Variants in SRBD1 observed in about 807,000 individuals in gnomAD.
The protein encoded by SRBD1 is S1 RNA binding domain 1, also known as S1 RNA-binding domain-containing protein 1.
Under a neutral mutation model 115.3 loss-of-function variants are expected in SRBD1, and 88 were observed. That is an observed-to-expected ratio of 0.76 (90% CI 0.64 to 0.91). SRBD1 has a LOEUF of 0.91. SRBD1 is among the 40% of genes least tolerant of loss of function. The pLI is 0.00. For synonymous variants in SRBD1, 509 were observed against 407.7 expected, an observed-to-expected ratio of 1.25 and a Z score of -2.99; for missense variants, 1,385 against 1,177.4, an observed-to-expected ratio of 1.18 and a Z score of -2.58.
At chr2:45,554,207 C>T (rs552745399) in intron 10 of SRBD1, among the ~76,000 whole-genome samples, 1 of 152,232 alleles carries the variant, frequency 6.6e-6, no homozygotes, top group African/African-American at 2.4e-5. Context: ...CTTGCTCTTT[C>T]TCTCTCTTTC....
At chr2:45,524,648 T>C (rs1019929216) in intron 14 of SRBD1, among the ~76,000 whole-genome samples, 11 of 151,958 alleles carry the variant, frequency 7.2e-5, no homozygotes, top group Admixed American at 7.2e-4. Context: ...TTAAGGAAGA[T>C]CTAAATAAGT....
chr2:45,479,697 CTGTAGCAAGT>C (rs1669904880), intron 15 of SRBD1, among the ~76,000 whole-genome samples: 1 of 152,188 alleles, frequency 6.6e-6, no homozygotes, highest in African/African-American at 2.4e-5. Flanking sequence ...GATGTAGAAG[CTGTAGCAAGT>C]TGTCCAGAAG....
rs116077544 is a variant in SRBD1, at chr2:45,391,041, G to A, written c.2699-1442C>T. ...TAGGACGGGTCTCCGAGACCCCATAGGCATTGTTTTTATGCTTGGAAATTC... is the reference window on the plus strand; with the variant it reads ...TAGGACGGGTCTCCGAGACCCCATAAGCATTGTTTTTATGCTTGGAAATTC... On this transcript the variant is annotated intron_variant, in intron 20 of 20. Transcript: ENST00000263736. Among the ~76,000 whole-genome samples, 1,138 of 152,270 alleles carry A rather than the reference G, an allele frequency of 7.5e-3. 10 individuals are homozygous for A. The highest frequency in any genetic ancestry group is 0.025 in the African/African-American group (1,048 of 41,558).
chr2:45,546,621 T>C, intron 14 of SRBD1, 111 bp downstream of exon 14: 2 of 1,061,272 alleles, frequency 1.9e-6, no homozygotes, highest in Non-Finnish European at 2.8e-6. Flanking sequence ...AGAGGTGGTC[T>C]GGAGGGCAAA....
intron 14 of SRBD1, among the ~76,000 whole-genome samples, chr2:45,513,226 C>G (rs1314182137): frequency 6.6e-6 from 1 of 152,122 alleles, no homozygotes; most frequent in Non-Finnish European, 1.5e-5. Flanking sequence ...GATCTTTCCC[C>G]ACATTCTTCA....
chr2:45,426,767 G>A (rs1421689206), intron 16 of SRBD1, among the ~76,000 whole-genome samples: 1 of 152,172 alleles, frequency 6.6e-6, no homozygotes, highest in African/African-American at 2.4e-5. Context: ...GGGCCTATTA[G>A]AAGGAAAACT....
chr2:45,488,779 T>A (rs996837522), intron 14 of SRBD1, among the ~76,000 whole-genome samples: 1 of 152,058 alleles, frequency 6.6e-6, no homozygotes, highest in Non-Finnish European at 1.5e-5. Flanking sequence ...TGTGGATATG[T>A]GCACATGCAG....
At chr2:45,483,868 T>C (rs1356741740) in intron 15 of SRBD1, among the ~76,000 whole-genome samples, 2 of 152,062 alleles carry the variant, frequency 1.3e-5, no homozygotes, top group Non-Finnish European at 2.9e-5. Flanking sequence ...AATAATTACA[T>C]TTTTGAACAA....
At chr2:45,473,565 T>C (rs912043997) in intron 16 of SRBD1, among the ~76,000 whole-genome samples, 2 of 152,194 alleles carry the variant, frequency 1.3e-5, no homozygotes, top group African/African-American at 4.8e-5. Flanking sequence ...TCACACTAAA[T>C]TGATGGTTTG....
intron 16 of SRBD1, among the ~76,000 whole-genome samples, chr2:45,471,726 C>G (rs760582252): frequency 6.6e-6 from 1 of 152,106 alleles, no homozygotes; most frequent in African/African-American, 2.4e-5. Flanking sequence ...ATAACACCCT[C>G]TAAAATTTGG....
chr2:45,525,926 A>C (rs1251294979), intron 14 of SRBD1, among the ~76,000 whole-genome samples: 1 of 152,062 alleles, frequency 6.6e-6, no homozygotes, highest in African/African-American at 2.4e-5. Flanking sequence ...ATGATATACT[A>C]CTTCATACCC....
chr2:45,592,804 G>A (rs557077342), intron 4 of SRBD1, among the ~76,000 whole-genome samples: 1 of 152,300 alleles, frequency 6.6e-6, no homozygotes, highest in Admixed American at 6.5e-5. Flanking sequence ...CCCCAAACCA[G>A]CAGCATAAGC....
In SRBD1 at chr2:45,388,691, A is replaced by T. The variant is rs1291000927; in HGVS notation, c.*619T>A. On this transcript the variant is annotated 3_prime_UTR_variant, in exon 21 of 21. Transcript: ENST00000263736. Reference sequence around the variant, plus strand: ...TAGCAAAAAACAAGTCACTAGCCACAAACATTTATTGTTGGGGTCAATACG... The same window carrying T: ...TAGCAAAAAACAAGTCACTAGCCACTAACATTTATTGTTGGGGTCAATACG... 6.6e-6 allele frequency: 1 copy of T among 152,258 alleles called. No individual in the cohort carries two copies. The highest frequency in any genetic ancestry group is 1.5e-5 in the Non-Finnish European group (1 of 68,058). The allele number at this position is 152,258 out of a possible 1,614,324, so 9.4% of individuals were successfully genotyped here.
intron 14 of SRBD1, among the ~76,000 whole-genome samples, chr2:45,540,597 G>A (rs1180801462): frequency 1.3e-5 from 2 of 152,064 alleles, no homozygotes; most frequent in African/African-American, 2.4e-5. Context: ...GTCACAGACT[G>A]GGAAAAAATG....
intron 16 of SRBD1, among the ~76,000 whole-genome samples, chr2:45,459,498 C>T: frequency 6.6e-6 from 1 of 152,018 alleles, no homozygotes; most frequent in Non-Finnish European, 1.5e-5. Flanking sequence ...CTTGAGGGTC[C>T]CTTGTAACCT....
intron 16 of SRBD1, among the ~76,000 whole-genome samples, chr2:45,461,498 T>C (rs1439302976): frequency 6.6e-6 from 1 of 152,188 alleles, no homozygotes; most frequent in Non-Finnish European, 1.5e-5. Flanking sequence ...TGGCTGTTTA[T>C]GAGTATACAA....
Position 45,574,686 on chromosome 2 carries a change from C to T in SRBD1, c.1110G>A (p.Gln370=). 1.2e-6 allele frequency: 2 copies of T among 1,613,684 alleles called. No individual in the cohort carries two copies. The highest frequency in any genetic ancestry group is 8.5e-7 in the Non-Finnish European group (1 of 1,179,828). Residue 370 remains glutamine (Q), a synonymous_variant, in exon 8 of 21, where the codon CAG becomes CAA. Transcript: ENST00000263736. ...TAGCAATCATATCTGCTAAAATATGCTGCACTCCTATTTCAATATCCTGAA... is the reference window on the plus strand; with the variant it reads ...TAGCAATCATATCTGCTAAAATATGTTGCACTCCTATTTCAATATCCTGAA... ...STLQDIEIGV[Q]HILADMIAKD...
At position 45,406,284 on chromosome 2, in the gene SRBD1, T is replaced by C. The variant is rs538096745; in HGVS notation, c.2513+6830A>G. Among the ~76,000 whole-genome samples, 15 of 151,646 alleles carry C rather than the reference T, an allele frequency of 9.9e-5. No individual in the cohort carries two copies. In the South Asian group the frequency reaches 1.0e-3, roughly 11 times the overall value. Reference sequence around the variant, plus strand: ...AGAAGGAGTAAAAATACAGAGACAATCTGAAGACAGGATTGTAAGGTAGTT... The same window carrying C: ...AGAAGGAGTAAAAATACAGAGACAACCTGAAGACAGGATTGTAAGGTAGTT... On this transcript the variant is annotated intron_variant, in intron 19 of 20. Transcript: ENST00000263736.
At chr2:45,586,268 A>G (rs1432043144) in intron 4 of SRBD1, among the ~76,000 whole-genome samples, 1 of 152,186 alleles carries the variant, frequency 6.6e-6, no homozygotes. Flanking sequence ...TATTTATAAT[A>G]ATTTTTTTTT....
Sources: gnomAD v4.1 joint callset for allele counts (sites outside exome capture counted in the v4.1 genomes callset) on GRCh38, gnomAD v4.1.1 for gene constraint, MANE v1.5 for transcripts, NCBI Gene and HGNC (gene_info 2026-07-23, HGNC 2026-07-21) for gene names.